Variants in GRID2 observed in about 807,000 individuals in gnomAD.
GRID2 encodes glutamate ionotropic receptor delta type subunit 2, also known as glutamate receptor ionotropic, delta-2.
GRID2 carries 33 observed loss-of-function variants against 114.8 expected under a neutral mutation model. That is an observed-to-expected ratio of 0.29 (90% confidence interval 0.22 to 0.38). The LOEUF is 0.38. Ranked by LOEUF, GRID2 falls within the 10% of genes least tolerant of loss-of-function variation. GRID2 has a pLI of 1.00. For missense variants in GRID2, 1,184 were observed against 1,257.7 expected (o/e 0.94, Z 0.89); for synonymous variants, 505 against 449.9 (o/e 1.12, Z -1.55).
chr4:92,931,242 G>A (rs983235191), intron 2 of GRID2, among the ~76,000 whole-genome samples: 8 of 150,568 alleles, frequency 5.3e-5, no homozygotes, highest in African/African-American at 1.9e-4. Flanking sequence ...TAGAATAAAG[G>A]AGAAATAACT....
At chr4:93,144,513 A>T (rs1005687370) in intron 4 of GRID2, among the ~76,000 whole-genome samples, 1 of 152,176 alleles carries the variant, frequency 6.6e-6, no homozygotes, top group Admixed American at 6.5e-5. Flanking sequence ...GGTGGGAGAG[A>T]TGCACTGTGA....
intron 11 of GRID2, among the ~76,000 whole-genome samples, chr4:93,477,777 A>G (rs1222800871): frequency 1.3e-5 from 2 of 152,140 alleles, no homozygotes; most frequent in Non-Finnish European, 1.5e-5. Context: ...CTGAATGCAA[A>G]GCAATTAGTG....
chr4:92,385,528 C>T (rs1015821385), intron 1 of GRID2, among the ~76,000 whole-genome samples: 2 of 151,470 alleles, frequency 1.3e-5, no homozygotes, highest in African/African-American at 2.4e-5. Flanking sequence ...TGAAAACTCT[C>T]ATGTCAAGAT....
chr4:93,271,213 C>G (rs1390339701), intron 8 of GRID2, among the ~76,000 whole-genome samples: 2 of 152,116 alleles, frequency 1.3e-5, no homozygotes, highest in Non-Finnish European at 2.9e-5. Flanking sequence ...TCTGAAGGTC[C>G]TGATAGAATG....
chr4:92,407,847 G>T (rs1731101078), intron 1 of GRID2, among the ~76,000 whole-genome samples: 1 of 152,074 alleles, frequency 6.6e-6, no homozygotes, highest in Non-Finnish European at 1.5e-5. Flanking sequence ...TTTGTCAGCT[G>T]AATAACTTAC....
intron 1 of GRID2, among the ~76,000 whole-genome samples, chr4:92,472,573 C>T (rs919938310): frequency 1.3e-5 from 2 of 152,142 alleles, no homozygotes; most frequent in Admixed American, 1.3e-4. Flanking sequence ...AGTTGCTCCA[C>T]ATCTTCATCA....
intron 14 of GRID2, among the ~76,000 whole-genome samples, chr4:93,672,841 A>C (rs1724544344): frequency 6.6e-6 from 1 of 152,222 alleles, no homozygotes; most frequent in Non-Finnish European, 1.5e-5. Context: ...GAAAATAAAA[A>C]CATTATAATC....
intron 8 of GRID2, chr4:93,318,494 A>C (rs1756910721): frequency 1.3e-5 from 2 of 152,086 alleles, no homozygotes; most frequent in Admixed American, 1.3e-4. Flanking sequence ...TTAAAGCAAA[A>C]AGTAATTTGC....
intron 2 of GRID2, among the ~76,000 whole-genome samples, chr4:92,819,571 A>C (rs1741134525): frequency 6.6e-6 from 1 of 152,140 alleles, no homozygotes; most frequent in Non-Finnish European, 1.5e-5. Flanking sequence ...AAACTAAAGC[A>C]TGTAAAATAC....
chr4:92,968,759 C>T (rs541646177), intron 2 of GRID2, among the ~76,000 whole-genome samples: 1 of 151,864 alleles, frequency 6.6e-6, no homozygotes, highest in South Asian at 2.1e-4. Context: ...ACCCACGTCC[C>T]CTAGCCCTAG....
At chr4:92,997,148 C>T (rs1472239164) in intron 2 of GRID2, among the ~76,000 whole-genome samples, 1 of 152,066 alleles carries the variant, frequency 6.6e-6, no homozygotes, top group Admixed American at 6.6e-5. Context: ...GTAGGTGATA[C>T]AGTAGGAGTT....
intron 4 of GRID2, among the ~76,000 whole-genome samples, chr4:93,168,327 A>G (rs544471331): frequency 6.6e-5 from 10 of 152,238 alleles, no homozygotes; most frequent in Admixed American, 4.6e-4. Context: ...TTAATATTTC[A>G]AATTCACCAT....
At chr4:92,498,527 T>C (rs572915494) in intron 1 of GRID2, among the ~76,000 whole-genome samples, 1 of 151,950 alleles carries the variant, frequency 6.6e-6, no homozygotes, top group Non-Finnish European at 1.5e-5. Flanking sequence ...TTTTAAAATA[T>C]CATTTGCTTT....
intron 1 of GRID2, among the ~76,000 whole-genome samples, chr4:93,798,352 G>A (rs1734849947): frequency 6.8e-6 from 1 of 147,594 alleles, no homozygotes; most frequent in Admixed American, 6.7e-5. Context: ...TAGACCTGAA[G>A]AGACTCTCCC....
At chr4:93,413,472 T>C (rs1201945908) in intron 9 of GRID2, among the ~76,000 whole-genome samples, 1 of 152,210 alleles carries the variant, frequency 6.6e-6, no homozygotes, top group African/African-American at 2.4e-5. Context: ...ATTGTGAATT[T>C]GTTTTCTGGA....
chr4:92,329,430 T>C (rs1276234620), intron 1 of GRID2, among the ~76,000 whole-genome samples: 1 of 152,062 alleles, frequency 6.6e-6, no homozygotes, highest in East Asian at 1.9e-4. Flanking sequence ...TTGATGTTTC[T>C]CCCTGCTTGC....
chr4:92,975,498 C>T (rs1243226529), intron 2 of GRID2, among the ~76,000 whole-genome samples: 2 of 152,084 alleles, frequency 1.3e-5, no homozygotes, highest in Admixed American at 1.3e-4. Flanking sequence ...ATGAAAAATA[C>T]ATCTATGTCA....
At chr4:93,011,735 C>T (rs1722193072) in intron 2 of GRID2, among the ~76,000 whole-genome samples, 1 of 151,994 alleles carries the variant, frequency 6.6e-6, no homozygotes, top group South Asian at 2.1e-4. Context: ...ACAATAGGAG[C>T]TTTGAGACTG....
chr4:93,020,630 T>G (rs1296997111), intron 2 of GRID2, among the ~76,000 whole-genome samples: 2 of 152,212 alleles, frequency 1.3e-5, no homozygotes, highest in Non-Finnish European at 2.9e-5. Flanking sequence ...TCTGAAATCA[T>G]ATGGCATTCA....
Sources: allele counts gnomAD v4.1 joint callset (sites outside exome capture counted in the v4.1 genomes callset), GRCh38; gene constraint gnomAD v4.1.1; transcripts MANE v1.5; gene names NCBI Gene and HGNC (gene_info 2026-07-23, HGNC 2026-07-21).